Variants in ADCY2 observed in about 807,000 individuals in gnomAD.
ADCY2 encodes adenylate cyclase type 2.
ADCY2 carries 31 observed loss-of-function variants against 125.2 expected under a neutral mutation model. The ratio of observed to expected loss-of-function variants is 0.25; its 90% CI spans 0.19 to 0.33. The LOEUF is 0.33. ADCY2 is among the 10% of genes least tolerant of loss of function. ADCY2 has a pLI of 1.00. For synonymous variants in ADCY2, 512 were observed against 548.4 expected, an observed-to-expected ratio of 0.93 and a Z score of 0.93; for missense variants, 904 against 1,418.2, an observed-to-expected ratio of 0.64 and a Z score of 5.82.
At chr5:7,414,524 A>C (rs1184842896) in intron 1 of ADCY2, 49 bp from the exon 2 acceptor site, 4 of 1,467,858 alleles carry the variant, frequency 2.7e-6, no homozygotes, top group Non-Finnish European at 3.7e-6. Flanking sequence ...CATTGGTATC[A>C]CAGTGTCTCT....
intron 2 of ADCY2, among the ~76,000 whole-genome samples, chr5:7,419,883 C>T (rs541557404): frequency 4.1e-4 from 62 of 152,338 alleles, no homozygotes; most frequent in Admixed American, 1.4e-3. Flanking sequence ...GCTTCCCTTA[C>T]ATGACTTCAC....
intron 4 of ADCY2, among the ~76,000 whole-genome samples, chr5:7,660,094 C>T (rs572254892): frequency 6.6e-6 from 1 of 152,180 alleles, no homozygotes; most frequent in South Asian, 2.1e-4. Flanking sequence ...ATGCTTACTA[C>T]TTCCATGAGT....
chr5:7,757,409 A>G, intron 15 of ADCY2, 40 bp from the exon 16 acceptor site: 1 of 1,601,988 alleles, frequency 6.2e-7, no homozygotes, highest in Non-Finnish European at 8.5e-7. Context: ...AGAAGTCATC[A>G]GCTAGCAATG....
intron 3 of ADCY2, among the ~76,000 whole-genome samples, chr5:7,565,728 C>T (rs1382530231): frequency 6.6e-6 from 1 of 152,190 alleles, no homozygotes; most frequent in East Asian, 1.9e-4. Flanking sequence ...TTTGAGGACA[C>T]CTCTACAGGC....
At chr5:7,563,426 T>C (rs182426310) in intron 3 of ADCY2, among the ~76,000 whole-genome samples, 1 of 152,334 alleles carries the variant, frequency 6.6e-6, no homozygotes, top group Admixed American at 6.5e-5. Flanking sequence ...TGGCAGGCTC[T>C]GGAGACTTGG....
intron 15 of ADCY2, among the ~76,000 whole-genome samples, chr5:7,756,831 G>T (rs1266856514): frequency 1.3e-5 from 2 of 152,178 alleles, no homozygotes; most frequent in Admixed American, 6.5e-5. Context: ...TATATTATGT[G>T]TTTCTAACAC....
At chr5:7,759,841 A>T (rs1057093073) in intron 16 of ADCY2, among the ~76,000 whole-genome samples, 3 of 143,878 alleles carry the variant, frequency 2.1e-5, no homozygotes, top group Non-Finnish European at 3.0e-5. Flanking sequence ...TGCTCCATTC[A>T]TCTACCTGAG....
intron 19 of ADCY2, among the ~76,000 whole-genome samples, chr5:7,789,271 ACT>A (rs976475496): frequency 1.1e-4 from 17 of 152,226 alleles, no homozygotes; most frequent in Admixed American, 5.2e-4. Context: ...CAAAAAATGC[ACT>A]CTCTCTACAG....
intron 20 of ADCY2, chr5:7,800,293 ATTC>A (rs1470188447): frequency 1.3e-5 from 2 of 152,178 alleles, no homozygotes; most frequent in Non-Finnish European, 2.9e-5. Context: ...TATTGTGCTT[ATTC>A]TTGTCATCAT....
At chr5:7,517,784 C>T (rs10462842) in intron 2 of ADCY2, among the ~76,000 whole-genome samples, 3 of 152,072 alleles carry the variant, frequency 2.0e-5, no homozygotes, top group South Asian at 2.1e-4. Context: ...AAATATTTGC[C>T]GAAGTATATT....
intron 3 of ADCY2, chr5:7,611,283 G>A (rs552602865): frequency 6.6e-6 from 1 of 152,274 alleles, no homozygotes; most frequent in South Asian, 2.1e-4. Flanking sequence ...AATGAGAAAA[G>A]TAGTTAAATA....
chr5:7,749,809 C>T (rs1173215065), intron 15 of ADCY2: 1 of 152,140 alleles, frequency 6.6e-6, no homozygotes, highest in Admixed American at 6.5e-5. Context: ...GAGATAAAAG[C>T]GCAAATAGAG....
At position 7,660,285 on chromosome 5, in the gene ADCY2, AAGGAAG is replaced by A. The variant is rs1438700524; in HGVS notation, c.721-30405_721-30400del. On this transcript the variant is annotated intron_variant, in intron 4 of 24. Coordinates refer to ENST00000338316, the MANE Select transcript of ADCY2 (RefSeq NM_020546.3). ...GAAGGAAGGAAGGAAGGAAGGAAGG[AAGGAAG>A]GAAGGAAGGACTGTGAGAAAGGAAA... 4.0e-5 allele frequency among the ~76,000 whole-genome samples: 6 copies of A among 150,936 alleles called. 1 individual carries two copies. Among genetic ancestry groups the A allele is most frequent in the Non-Finnish European group, 5.9e-5 (4 of 67,746 alleles).
rs113514001 is a variant in ADCY2, at chr5:7,665,757, A to G, written c.721-24934A>G. On this transcript the variant is annotated intron_variant, in intron 4 of 24. Transcript: ENST00000338316. The stretch of plus-strand genomic sequence containing the variant: ...TCAGCTGCTGCCCGGCCACATCTCT[A>G]TCTCTCTGATATTACTCTTTAAGAT... 1.9e-3 allele frequency among the ~76,000 whole-genome samples: 237 copies of G among 126,490 alleles called. 1 individual carries two copies. Among genetic ancestry groups the G allele is most frequent in the African/African-American group, 7.1e-3 (230 of 32,326 alleles). The allele number at this position is 126,490 out of a possible 152,430, so 83.0% of individuals were successfully genotyped here. A position where few individuals can be genotyped will look rare whatever the true frequency, so the allele number is the denominator to read the frequency against.
chr5:7,641,176 C>G (rs1164580821), intron 4 of ADCY2, among the ~76,000 whole-genome samples: 1 of 152,164 alleles, frequency 6.6e-6, no homozygotes, highest in Non-Finnish European at 1.5e-5. Context: ...TCTATGATAC[C>G]TGCAGCCCTT....
intron 6 of ADCY2, among the ~76,000 whole-genome samples, chr5:7,696,865 G>T (rs1740911359): frequency 6.6e-6 from 1 of 152,164 alleles, no homozygotes; most frequent in African/African-American, 2.4e-5. Flanking sequence ...GCACAGCTCT[G>T]CTTCCTTCCT....
At chr5:7,498,239 GTT>G (rs910360437) in intron 2 of ADCY2, among the ~76,000 whole-genome samples, 71 of 62,096 alleles carry the variant, frequency 1.1e-3, no homozygotes, top group African/African-American at 1.8e-3. Context: ...TTCTTTTTTC[GTT>G]TTTTTTTTTT....
chr5:7,769,372 G>C (rs774800743), intron 17 of ADCY2, among the ~76,000 whole-genome samples: 1 of 151,880 alleles, frequency 6.6e-6, no homozygotes, highest in Non-Finnish European at 1.5e-5. Context: ...ACATATAAAT[G>C]CATATGCATA....
chr5:7,501,133 A>ATTTT (rs1561059945), intron 2 of ADCY2, among the ~76,000 whole-genome samples: 1 of 96,958 alleles, frequency 1.0e-5, no homozygotes, highest in Non-Finnish European at 2.3e-5. Context: ...CTTTTTTTTA[A>ATTTT]AAAAAAAAAA....
Sources: allele counts gnomAD v4.1 joint callset (sites outside exome capture counted in the v4.1 genomes callset), GRCh38; gene constraint gnomAD v4.1.1; transcripts MANE v1.5; gene names NCBI Gene and HGNC (gene_info 2026-07-23, HGNC 2026-07-21).